The following CNTN5 variants were observed in gnomAD, a reference collection of about 807,000 sequenced individuals.
The protein encoded by CNTN5 is contactin-5.
A neutral mutation model predicts 129.1 loss-of-function variants in CNTN5; 77 were observed. The ratio of observed to expected loss-of-function variants is 0.60; its 90% CI spans 0.50 to 0.72. The LOEUF is 0.72. Among genes scored for constraint, CNTN5 ranks in the 30% least tolerant of loss-of-function variants. The pLI, the probability that CNTN5 is intolerant of heterozygous loss-of-function variation, is 0.00. For synonymous variants in CNTN5, 509 were observed against 465.6 expected (o/e 1.09, Z -1.20); for missense variants, 1,478 against 1,328.8 (o/e 1.11, Z -1.75).
chr11:99,213,429 C>T (rs12282074), intron 1 of CNTN5, among the ~76,000 whole-genome samples: 3 of 134,292 alleles, frequency 2.2e-5, no homozygotes, highest in African/African-American at 3.2e-5. Flanking sequence ...CATATATACA[C>T]GTGTATATAT....
At chr11:99,496,091 G>C (rs1410328434) in intron 2 of CNTN5, among the ~76,000 whole-genome samples, 1 of 152,132 alleles carries the variant, frequency 6.6e-6, no homozygotes, top group Non-Finnish European at 1.5e-5. Flanking sequence ...GTATCTTAGA[G>C]TACAATAAGC....
intron 13 of CNTN5, among the ~76,000 whole-genome samples, chr11:100,172,552 C>G (rs753482873): frequency 2.0e-5 from 3 of 151,716 alleles, no homozygotes; most frequent in Non-Finnish European, 4.4e-5. Flanking sequence ...GGGAACATTG[C>G]CTAGGTGTAA....
intron 3 of CNTN5, among the ~76,000 whole-genome samples, chr11:99,718,034 C>A (rs546335191): frequency 1.3e-5 from 2 of 152,182 alleles, no homozygotes; most frequent in Non-Finnish European, 2.9e-5. Flanking sequence ...TAAATTGCCT[C>A]ATTCTGAAAT....
At chr11:100,178,386 C>A (rs1277924632) in intron 13 of CNTN5, among the ~76,000 whole-genome samples, 1 of 152,136 alleles carries the variant, frequency 6.6e-6, no homozygotes, top group Non-Finnish European at 1.5e-5. Context: ...TCTTTCAAAT[C>A]TGTATCAAAT....
chr11:99,311,051 C>A (rs182106245), intron 1 of CNTN5, among the ~76,000 whole-genome samples: 1 of 152,218 alleles, frequency 6.6e-6, no homozygotes, highest in East Asian at 1.9e-4. Context: ...CCTGCCTCAG[C>A]CTGAGCAGCT....
chr11:100,189,900 T>A (rs1036155291), intron 13 of CNTN5, among the ~76,000 whole-genome samples: 3 of 152,148 alleles, frequency 2.0e-5, no homozygotes, highest in African/African-American at 7.2e-5. Flanking sequence ...TCAAGTTTGA[T>A]CCATATTGGA....
At chr11:99,962,164 T>A (rs1486259915) in intron 8 of CNTN5, among the ~76,000 whole-genome samples, 2 of 152,156 alleles carry the variant, frequency 1.3e-5, no homozygotes, top group Non-Finnish European at 2.9e-5. Flanking sequence ...ATTCAAAAAC[T>A]GTTTTTATTA....
intron 3 of CNTN5, among the ~76,000 whole-genome samples, chr11:99,665,754 T>C (rs920367448): frequency 3.3e-5 from 5 of 152,036 alleles, no homozygotes; most frequent in African/African-American, 1.2e-4. Flanking sequence ...CCCAGAGTGC[T>C]GAGATTACAG....
chr11:99,618,329 A>G (rs1366836341), intron 3 of CNTN5, among the ~76,000 whole-genome samples: 1 of 152,200 alleles, frequency 6.6e-6, no homozygotes, highest in Non-Finnish European at 1.5e-5. Context: ...GAAGGCAGGA[A>G]CATGGTGGGT....
chr11:100,038,126 C>T (rs1255792443), intron 9 of CNTN5, among the ~76,000 whole-genome samples: 4 of 152,072 alleles, frequency 2.6e-5, no homozygotes, highest in Non-Finnish European at 5.9e-5. Context: ...TTTCCCTCTA[C>T]ACACTACTTT....
chr11:99,622,011 A>T (rs1235048491), intron 3 of CNTN5, among the ~76,000 whole-genome samples: 1 of 152,148 alleles, frequency 6.6e-6, no homozygotes, highest in East Asian at 1.9e-4. Flanking sequence ...TATCTGGAAC[A>T]CTTTAGAGCT....
At chr11:99,328,564 T>C (rs1865875797) in intron 2 of CNTN5, among the ~76,000 whole-genome samples, 1 of 152,082 alleles carries the variant, frequency 6.6e-6, no homozygotes, top group Admixed American at 6.6e-5. Context: ...AAATTTGTTA[T>C]ATGAAGTATA....
At chr11:99,529,724 G>A (rs1415749886) in intron 2 of CNTN5, among the ~76,000 whole-genome samples, 3 of 151,738 alleles carry the variant, frequency 2.0e-5, no homozygotes, top group Non-Finnish European at 2.9e-5. Context: ...AACAGTAGTT[G>A]GTTAAAATTA....
At chr11:99,175,094 T>C (rs1857709104) in intron 1 of CNTN5, among the ~76,000 whole-genome samples, 1 of 151,846 alleles carries the variant, frequency 6.6e-6, no homozygotes, top group Non-Finnish European at 1.5e-5. Flanking sequence ...AGAAGCCAGG[T>C]ATGGTGGCAT....
intron 1 of CNTN5, among the ~76,000 whole-genome samples, chr11:99,039,767 T>C (rs563400167): frequency 6.6e-6 from 1 of 152,260 alleles, no homozygotes; most frequent in African/African-American, 2.4e-5. Context: ...CCTTAGCTTG[T>C]ATGGCCCTTG....
At chr11:99,172,559 A>G (rs1339094616) in intron 1 of CNTN5, among the ~76,000 whole-genome samples, 1 of 152,336 alleles carries the variant, frequency 6.6e-6, no homozygotes, top group East Asian at 1.9e-4. Flanking sequence ...CAGTTTTTGT[A>G]TCTTAAAAAT....
At chr11:100,281,353 A>C (rs1950634011) in intron 18 of CNTN5, among the ~76,000 whole-genome samples, 1 of 152,092 alleles carries the variant, frequency 6.6e-6, no homozygotes, top group Non-Finnish European at 1.5e-5. Context: ...TATTTTCACC[A>C]GATATAATAC....
intron 3 of CNTN5, among the ~76,000 whole-genome samples, chr11:99,660,786 G>T (rs1809551059): frequency 6.6e-6 from 1 of 151,992 alleles, no homozygotes; most frequent in African/African-American, 2.4e-5. Context: ...AGTGGTAAGA[G>T]AATCTCAGTG....
chr11:99,862,954 G>T (rs1354264738), intron 6 of CNTN5, among the ~76,000 whole-genome samples: 1 of 151,970 alleles, frequency 6.6e-6, no homozygotes, highest in Non-Finnish European at 1.5e-5. Context: ...GTGTGTGTTT[G>T]GTTGAGAGGT....
Sources: allele counts gnomAD v4.1 joint callset (sites outside exome capture counted in the v4.1 genomes callset), GRCh38; gene constraint gnomAD v4.1.1; transcripts MANE v1.5; gene names NCBI Gene and HGNC (gene_info 2026-07-23, HGNC 2026-07-21).